Variants in VSIG10 observed in about 807,000 individuals in gnomAD.
VSIG10 encodes the protein V-set and immunoglobulin domain-containing protein 10.
A neutral mutation model predicts 58.7 loss-of-function variants in VSIG10; 48 were observed. The ratio of observed to expected loss-of-function variants is 0.82; its 90% CI spans 0.65 to 1.04. The LOEUF is 1.04. VSIG10 is among the 50% of genes least tolerant of loss of function. The pLI, the probability that VSIG10 is intolerant of heterozygous loss-of-function variation, is 0.00. For synonymous variants in VSIG10, 260 were observed against 267.1 expected, an observed-to-expected ratio of 0.97 and a Z score of 0.26; for missense variants, 628 against 670.0, an observed-to-expected ratio of 0.94 and a Z score of 0.69.
Position 118,073,788 on chromosome 12 carries a change from C to G in VSIG10, c.1130G>C (p.Cys377Ser). The stretch of plus-strand genomic sequence containing the variant: ...GTAGCCCTCATCCAGGTCCTGGGAG[C>G]AGTTGTGGATAGTGAGGGTGGAGTT... The part of the protein sequence containing the change: ...GQNSTLTIHN[C>S]SQDLDEGYYI... Residue 377 changes from cysteine to serine, a missense_variant, in exon 5 of 9, where the codon TGC becomes TCC. Physicochemically the swap from Cys to Ser is moderately radical, Grantham distance 112. Transcript: ENST00000359236. 1 of 1,613,952 alleles carries G rather than the reference C, an allele frequency of 6.2e-7. No individual in the cohort carries two copies. The highest frequency in any genetic ancestry group is 8.5e-7 in the Non-Finnish European group (1 of 1,179,876).
intron 7 of VSIG10, 68 bp from the exon 8 acceptor site, chr12:118,068,665 T>C: frequency 8.3e-6 from 12 of 1,450,622 alleles, no homozygotes; most frequent in Non-Finnish European, 1.1e-5. Flanking sequence ...CCTCACTGAA[T>C]AGGAAACACT....
chr12:118,098,191 G>A (rs1412358399), intron 1 of VSIG10, among the ~76,000 whole-genome samples: 1 of 151,978 alleles, frequency 6.6e-6, no homozygotes, highest in African/African-American at 2.4e-5. Context: ...GAAAGAAGAG[G>A]GCTTTGGCTT....
intron 3 of VSIG10, 96 bp from the exon 4 acceptor site, chr12:118,079,702 G>T: frequency 6.6e-7 from 1 of 1,508,370 alleles, no homozygotes; most frequent in South Asian, 1.2e-5. Context: ...GTCTCAGAGG[G>T]ACATCAACCC....
intron 2 of VSIG10, among the ~76,000 whole-genome samples, chr12:118,087,429 C>T (rs2033158594): frequency 6.6e-6 from 1 of 152,140 alleles, no homozygotes; most frequent in Non-Finnish European, 1.5e-5. Context: ...TCTACAGCAT[C>T]TCTGTCCATT....
chr12:118,101,130 G>A (rs572923483), intron 1 of VSIG10, among the ~76,000 whole-genome samples: 1 of 152,276 alleles, frequency 6.6e-6, no homozygotes, highest in African/African-American at 2.4e-5. Flanking sequence ...GGCTTACTCC[G>A]TTCTTTTTTA....
chr12:118,071,070 G>A lies in VSIG10; in HGVS notation c.1331-3C>T. The A allele has an allele frequency of 1.9e-6, 3 of 1,597,476 alleles. No homozygotes were observed. The highest frequency in any genetic ancestry group is 2.6e-6 in the Non-Finnish European group (3 of 1,171,518). On this transcript the variant is annotated splice_region_variant and splice_polypyrimidine_tract_variant and intron_variant, in intron 6 of 8. Transcript: ENST00000359236. ...CACTCACCTGGAAGTGTTTCCTACTGAAGAGAGAAAGGAAAAACCATTAAT... is the reference window on the plus strand; with the variant it reads ...CACTCACCTGGAAGTGTTTCCTACTAAAGAGAGAAAGGAAAAACCATTAAT...
chr12:118,098,813 C>T (rs2033543983), intron 1 of VSIG10, among the ~76,000 whole-genome samples: 1 of 152,212 alleles, frequency 6.6e-6, no homozygotes, highest in South Asian at 2.1e-4. Context: ...TCAAGCCTCA[C>T]CCCAAAACAC....
At chr12:118,081,056 C>T (rs1323914742) in intron 3 of VSIG10, among the ~76,000 whole-genome samples, 3 of 151,780 alleles carry the variant, frequency 2.0e-5, no homozygotes, top group Non-Finnish European at 2.9e-5. Context: ...GCCTGGGCAA[C>T]GTGGGGAGAC....
chr12:118,068,023 C>CTTTTT lies in VSIG10; in HGVS notation c.1567+349_1567+353dup, dbSNP rs371999216. Among the ~76,000 whole-genome samples the CTTTTT allele has an allele frequency of 4.9e-4, 42 of 85,490 alleles. 3 individuals carry two copies. The highest frequency in any genetic ancestry group is 7.0e-4 in the African/African-American group (14 of 20,126). 56.1% of individuals were successfully genotyped at this position (85,490 alleles called of 152,430 possible). On this transcript the variant is annotated intron_variant, in intron 8 of 8. Transcript: ENST00000359236. ...CCGCAGCAGTTCAGAGGTTTGTGGG[C>CTTTTT]TTTTTTTTTTTTTTTTTTTTTTCTG...
In VSIG10 at chr12:118,082,330, T is replaced by C. The variant is rs759203659; in HGVS notation, c.461A>G (p.Asn154Ser). 1.2e-6 allele frequency: 2 copies of C among 1,613,960 alleles called. No homozygotes were observed. The highest frequency in any genetic ancestry group is 1.7e-5 in the Admixed American group (1 of 59,994). ...CACGGGTGGTGGCCTGGAGCTGCTG[T>C]TGCAGCTGAAGTCCACCTGGGAGCC... ...ARGSQVDFSC[N>S]SSSRPPPVVE... The change falls in exon 3 of 9, where the codon AAC becomes AGC. Residue 154 changes from asparagine to serine, a missense_variant. Transcript: ENST00000359236.
rs564082882 is a variant in VSIG10 at position 118,073,902 on chromosome 12, G to C, written c.1016C>G (p.Pro339Arg). ...LTCQVSGAYP[P>R]AKILWLRNLT... ...GTTCCTCAGCCACAGGATCTTGGCA[G>C]GGGGGTAGGCCCCAGACACCTGGCA... Residue 339 changes from proline (P) to arginine (R), a missense_variant, in exon 5 of 9, where the codon CCT becomes CGT. Physicochemically the swap from Pro to Arg is moderately radical, Grantham distance 103. Transcript: ENST00000359236. 26 of 1,613,026 alleles carry C rather than the reference G, an allele frequency of 1.6e-5. No homozygotes were observed. The highest frequency in any genetic ancestry group is 1.7e-4 in the Middle Eastern group (1 of 6,060).
At chr12:118,087,832 T>C (rs1427832291) in intron 2 of VSIG10, among the ~76,000 whole-genome samples, 1 of 31,030 alleles carries the variant, frequency 3.2e-5, no homozygotes, top group African/African-American at 7.4e-5. Flanking sequence ...AGTGAGATCC[T>C]GTCTCAAAAA....
chr12:118,074,198 T>G (rs914281778), intron 4 of VSIG10, among the ~76,000 whole-genome samples: 1 of 152,024 alleles, frequency 6.6e-6, no homozygotes, highest in Non-Finnish European at 1.5e-5. Flanking sequence ...GCAATTCTCC[T>G]GCCTCAGCCT....
chr12:118,092,853 C>G (rs1266583511), intron 2 of VSIG10, among the ~76,000 whole-genome samples: 1 of 151,976 alleles, frequency 6.6e-6, no homozygotes, highest in Non-Finnish European at 1.5e-5. Context: ...CAGGGCTGGT[C>G]TCAAACTCCT....
At chr12:118,080,097 G>A (rs1037034791) in intron 3 of VSIG10, among the ~76,000 whole-genome samples, 9 of 152,278 alleles carry the variant, frequency 5.9e-5, no homozygotes, top group Admixed American at 3.9e-4. Context: ...GCCTTCCAAA[G>A]TGTTGGGATT....
rs1593484202 is a variant in VSIG10 at position 118,066,280 on chromosome 12, A to G, written c.*359T>C. The G allele has an allele frequency of 9.9e-6, 2 of 202,778 alleles. No homozygotes were observed. The highest frequency in any genetic ancestry group is 2.0e-5 in the Non-Finnish European group (2 of 101,428). 12.6% of individuals were successfully genotyped at this position (202,778 alleles called of 1,614,324 possible). ...AAAAAAAAAAAAAAAAAGCGGCAAA[A>G]GGCACCAAGACCCAGTGCTTCCCTG... On this transcript the variant is annotated 3_prime_UTR_variant, in exon 9 of 9. Transcript: ENST00000359236.
chr12:118,093,372 CTTT>C (rs1403112298), intron 2 of VSIG10, among the ~76,000 whole-genome samples: 1 of 151,658 alleles, frequency 6.6e-6, no homozygotes, highest in Non-Finnish European at 1.5e-5. Flanking sequence ...ACTCTAAATT[CTTT>C]TTTTAATAAT....
chr12:118,082,667 G>T (rs1310087192), intron 2 of VSIG10, among the ~76,000 whole-genome samples: 1 of 152,090 alleles, frequency 6.6e-6, no homozygotes, highest in African/African-American at 2.4e-5. Flanking sequence ...AGTATACATT[G>T]CTCCTTTAAA....
At chr12:118,074,626 G>T (rs1007342633) in intron 4 of VSIG10, among the ~76,000 whole-genome samples, 28 of 152,034 alleles carry the variant, frequency 1.8e-4, no homozygotes, top group African/African-American at 6.5e-4. Context: ...TTACAGGCAT[G>T]AGCCACCACG....
Sources: gnomAD v4.1 joint callset for allele counts (sites outside exome capture counted in the v4.1 genomes callset) on GRCh38, gnomAD v4.1.1 for gene constraint, MANE v1.5 for transcripts, NCBI Gene and HGNC (gene_info 2026-07-23, HGNC 2026-07-21) for gene names.